Variants in UBTD2 observed in about 807,000 individuals in gnomAD.
UBTD2 encodes the protein ubiquitin domain containing 2.
UBTD2 carries 9 observed loss-of-function variants against 19.8 expected under a neutral mutation model. That is an observed-to-expected ratio of 0.46 (90% CI 0.27 to 0.79). The LOEUF (loss-of-function observed/expected upper bound fraction) is 0.79. Ranked by LOEUF, UBTD2 falls within the 30% of genes least tolerant of loss-of-function variation. UBTD2 has a pLI of 0.14. For synonymous variants in UBTD2, 98 were observed against 103.9 expected (o/e 0.94, Z 0.35); for missense variants, 250 against 300.4 (o/e 0.83, Z 1.24).
At chr5:172,228,626 C>A (rs141414985) in intron 2 of UBTD2, among the ~76,000 whole-genome samples, 228 of 152,092 alleles carry the variant, frequency 1.5e-3, no homozygotes, top group Admixed American at 2.6e-3. Context: ...GAGGCTGAGG[C>A]ACAAGAATTG....
chr5:172,278,692 G>A (rs970121886), intron 1 of UBTD2, among the ~76,000 whole-genome samples: 5 of 152,104 alleles, frequency 3.3e-5, no homozygotes, highest in Admixed American at 6.6e-5. Flanking sequence ...ACCACACAAC[G>A]TTGTGAATAT....
chr5:172,220,047 C>A (rs894499438), intron 2 of UBTD2, among the ~76,000 whole-genome samples: 1 of 152,110 alleles, frequency 6.6e-6, no homozygotes, highest in South Asian at 2.1e-4. Context: ...AACTACAGAC[C>A]AGTATCTCTC....
At chr5:172,253,458 T>TTC (rs1491492212) in intron 1 of UBTD2, among the ~76,000 whole-genome samples, 1 of 46,992 alleles carries the variant, frequency 2.1e-5, no homozygotes, top group Non-Finnish European at 4.5e-5. Flanking sequence ...ACCCTATCAA[T>TTC]TTTTTTTTTT....
intron 1 of UBTD2, among the ~76,000 whole-genome samples, chr5:172,247,820 A>C (rs937994818): frequency 1.3e-5 from 2 of 152,194 alleles, no homozygotes; most frequent in Non-Finnish European, 2.9e-5. Flanking sequence ...TGAACACTAT[A>C]AACCAACTAG....
intron 2 of UBTD2, among the ~76,000 whole-genome samples, chr5:172,232,397 T>C (rs1581215785): frequency 1.3e-5 from 2 of 150,770 alleles, no homozygotes; most frequent in African/African-American, 4.9e-5. Context: ...CTTTTATACA[T>C]GTATAGAAAA....
chr5:172,220,588 T>C (rs1048429125), intron 2 of UBTD2, among the ~76,000 whole-genome samples: 2 of 152,072 alleles, frequency 1.3e-5, no homozygotes, highest in African/African-American at 2.4e-5. Context: ...TGAGCCAAGA[T>C]TGGAGTGAGC....
chr5:172,227,787 TCTC>T (rs1457687754), intron 2 of UBTD2, among the ~76,000 whole-genome samples: 4 of 147,168 alleles, frequency 2.7e-5, no homozygotes, highest in Non-Finnish European at 5.9e-5. Context: ...TTCAAGCAAT[TCTC>T]CTGCCTCAGC....
chr5:172,273,247 A>T (rs960369828), intron 1 of UBTD2, among the ~76,000 whole-genome samples: 1 of 152,004 alleles, frequency 6.6e-6, no homozygotes, highest in African/African-American at 2.4e-5. Context: ...ATAAATTTAA[A>T]TTGGAGATGA....
chr5:172,277,124 C>T (rs1187497492), intron 1 of UBTD2, among the ~76,000 whole-genome samples: 2 of 129,610 alleles, frequency 1.5e-5, no homozygotes, highest in East Asian at 4.7e-4. Flanking sequence ...AGACGAAGTA[C>T]ATTTATGAAT....
intron 1 of UBTD2, among the ~76,000 whole-genome samples, chr5:172,251,485 A>T (rs1360357272): frequency 2.1e-5 from 3 of 140,874 alleles, no homozygotes; most frequent in South Asian, 4.6e-4. Context: ...AAAAAAAAAA[A>T]ATCAGAGATA....
intron 1 of UBTD2, among the ~76,000 whole-genome samples, chr5:172,268,117 T>C (rs138016422): frequency 9.5e-4 from 144 of 152,228 alleles, no homozygotes; most frequent in African/African-American, 3.1e-3. Context: ...CCAGGTCCAA[T>C]GCAGCTTACA....
chr5:172,249,021 T>C (rs1754937390), intron 1 of UBTD2, among the ~76,000 whole-genome samples: 1 of 151,870 alleles, frequency 6.6e-6, no homozygotes, highest in South Asian at 2.1e-4. Context: ...GACTTTTAGC[T>C]AGACTAAGAA....
In UBTD2 at chr5:172,283,254, CCCGGCGCCG is replaced by C. The variant is rs1755756340; in HGVS notation, c.70+333_70+341del. ...CGCCATCAATTCGCTTTTCTGCAAC[CCCGGCGCCG>C]CCATCCTGATCCTCAATAATTAAAC... On this transcript the variant is annotated intron_variant, in intron 1 of 2. Coordinates refer to ENST00000393792, the MANE Select transcript of UBTD2 (RefSeq NM_152277.3). The surrounding 1 kb of genome is among the most constrained non-coding windows in gnomAD (Gnocchi z 4.3). 2.6e-5 allele frequency among the ~76,000 whole-genome samples: 4 copies of C among 152,196 alleles called. No individual in the cohort carries two copies. Among genetic ancestry groups the C allele is most frequent in the Admixed American group, 2.0e-4 (3 of 15,282 alleles).
At chr5:172,254,626 C>G in intron 1 of UBTD2, 1 of 647,466 alleles carries the variant, frequency 1.5e-6, no homozygotes, top group East Asian at 3.0e-5. Flanking sequence ...CCATCGTAAT[C>G]ACATCTGTGT....
At chr5:172,263,092 C>G (rs1755305606) in intron 1 of UBTD2, among the ~76,000 whole-genome samples, 1 of 151,960 alleles carries the variant, frequency 6.6e-6, no homozygotes, top group Non-Finnish European at 1.5e-5. Flanking sequence ...TGCGCACCAC[C>G]ACACCTAGTT....
rs1755205581 is a variant in UBTD2, at chr5:172,258,570, C to T, written c.71-24212G>A. Among the ~76,000 whole-genome samples, 3 of 152,082 alleles carry T rather than the reference C, an allele frequency of 2.0e-5. No individual in the cohort carries two copies. The South Asian group carries it at 6.2e-4, about 32-fold the overall frequency. On this transcript the variant is annotated intron_variant, in intron 1 of 2. Transcript: ENST00000393792. Reference sequence around the variant, plus strand: ...TCTGTAAATTGCCTTGGGCTGTATGCCCATCTTAACAATATTGATTCTTCC... The same window carrying T: ...TCTGTAAATTGCCTTGGGCTGTATGTCCATCTTAACAATATTGATTCTTCC...
At position 172,283,551 on chromosome 5, in the gene UBTD2, C is replaced by A; in HGVS notation, c.70+45G>T. 7.9e-7 allele frequency: 1 copy of A among 1,273,492 alleles called. No homozygotes were observed. The highest frequency in any genetic ancestry group is 1.0e-6 in the Non-Finnish European group (1 of 1,004,028). The allele number at this position is 1,273,492 out of a possible 1,614,324, so 78.9% of individuals were successfully genotyped here. ...GGTCGGGACAGGTGGCCGGGCCTGGCCGGGAACAATGGGGGGCCGAGGCTG... is the reference window on the plus strand; with the variant it reads ...GGTCGGGACAGGTGGCCGGGCCTGGACGGGAACAATGGGGGGCCGAGGCTG... On this transcript the variant is annotated intron_variant, in intron 1 of 2. Transcript: ENST00000393792. This position sits in a 1 kb window ranked among gnomAD's most constrained non-coding sequence, Gnocchi z 4.3.
At chr5:172,269,445 T>C (rs1331303067) in intron 1 of UBTD2, among the ~76,000 whole-genome samples, 1 of 147,458 alleles carries the variant, frequency 6.8e-6, no homozygotes, top group African/African-American at 2.5e-5. Context: ...GAGCCGAGAC[T>C]GCACCACTGC....
At chr5:172,239,087 CAA>C (rs36045602) in intron 1 of UBTD2, among the ~76,000 whole-genome samples, 3 of 150,332 alleles carry the variant, frequency 2.0e-5, no homozygotes, top group East Asian at 1.9e-4. Flanking sequence ...AACTAACTGC[CAA>C]AAAAAAATAG....
Sources: gnomAD v4.1 joint callset for allele counts (sites outside exome capture counted in the v4.1 genomes callset) on GRCh38, gnomAD v4.1.1 for gene constraint, Gnocchi (gnomAD v3.1) non-coding constraint, MANE v1.5 for transcripts, NCBI Gene and HGNC (gene_info 2026-07-23, HGNC 2026-07-21) for gene names.